CHD5: variants seen among roughly 807,000 people sequenced by gnomAD.
CHD5 encodes chromodomain helicase DNA binding protein 5, also known as ATP-dependent chromatin remodeler CHD5.
A neutral mutation model predicts 230.3 loss-of-function variants in CHD5; 69 were observed. That is an observed-to-expected ratio of 0.30 (90% CI 0.25 to 0.37). The LOEUF (loss-of-function observed/expected upper bound fraction) is 0.37. CHD5 is among the 10% of genes least tolerant of loss of function. The pLI, the probability that CHD5 is intolerant of heterozygous loss-of-function variation, is 1.00. For synonymous variants in CHD5, 1,064 were observed against 1,065.9 expected (o/e 1.00, Z 0.03); for missense variants, 1,827 against 2,622.8 (o/e 0.70, Z 6.63).
Position 6,109,975 on chromosome 1 carries a change from A to C in CHD5, c.5398T>G (p.Leu1800Val). 1 of 1,544,348 alleles carries C rather than the reference A, an allele frequency of 6.5e-7. No homozygotes were observed. The highest frequency in any genetic ancestry group is 1.3e-5 in the South Asian group (1 of 79,470). ...ARRFKLLEQA[L>V]VIEEQLRRAA... is the part of the protein sequence containing the mutation. Reference sequence around the variant, plus strand: ...CTCCGGAGCTGCTCCTCAATGACCAACGCCTGCTCCAGCAGCTGGGGGCGG... The same window carrying C: ...CTCCGGAGCTGCTCCTCAATGACCACCGCCTGCTCCAGCAGCTGGGGGCGG... Residue 1800 changes from leucine (L) to valine (V), a missense_variant, in exon 38 of 42, where the codon TTG (leucine) becomes GTG (valine). Leu to Val is a conservative substitution (Grantham distance 32). Transcript: ENST00000262450.
At chr1:6,166,633 A>T (rs1186204755) in intron 2 of CHD5, among the ~76,000 whole-genome samples, 1 of 152,112 alleles carries the variant, frequency 6.6e-6, no homozygotes, top group Non-Finnish European at 1.5e-5. Context: ...GCTGACACCC[A>T]GACCAGAAAA....
At chr1:6,143,126 C>T (rs1027558765) in intron 13 of CHD5, among the ~76,000 whole-genome samples, 1 of 151,916 alleles carries the variant, frequency 6.6e-6, no homozygotes, top group Non-Finnish European at 1.5e-5. Context: ...AATCATGGCT[C>T]ACTGCAGCCT....
At chr1:6,107,583 G>A (rs1666207702) in intron 38 of CHD5, among the ~76,000 whole-genome samples, 1 of 149,636 alleles carries the variant, frequency 6.7e-6, no homozygotes, top group South Asian at 2.1e-4. Context: ...AGGGATGTAG[G>A]GATGATGAAG....
intron 25 of CHD5, among the ~76,000 whole-genome samples, chr1:6,127,514 C>G (rs6703624): frequency 0.13 from 19,514 of 151,380 alleles, 1,399 homozygotes; most frequent in East Asian, 0.35. Context: ...AAATTGTGGG[C>G]CGTCCTGGAA....
rs563911345 is a variant in CHD5 at position 6,180,149 on chromosome 1, C to T, written c.-126G>A. ...GGCGGCCTCGGCGAGAAGATGGCGG[C>T]CGCCTGCCCCCCCACCCCCCCAAAC... On this transcript the variant is annotated 5_prime_UTR_variant, in exon 1 of 42. Coordinates refer to ENST00000262450, the MANE Select transcript of CHD5 (RefSeq NM_015557.3). 19 of 221,650 alleles carry T rather than the reference C, an allele frequency of 8.6e-5. No individual in the cohort carries two copies. In the South Asian group the frequency reaches 2.6e-3, roughly 31 times the overall value. 13.7% of individuals were successfully genotyped at this position (221,650 alleles called of 1,614,324 possible).
Position 6,111,772 on chromosome 1 carries a change from T to A in CHD5, c.5249+3A>T. 6.2e-7 allele frequency: 1 copy of A among 1,612,806 alleles called. No individual in the cohort carries two copies. The highest frequency in any genetic ancestry group is 8.5e-7 in the Non-Finnish European group (1 of 1,179,534). On this transcript the variant is annotated splice_donor_region_variant and intron_variant, in intron 36 of 41. Transcript: ENST00000262450. ...CTGCCCAGCCCGGCCTGGCCAAGGA[T>A]ACGTCACGATGCCCGCCAGCAGCCA...
intron 9 of CHD5, among the ~76,000 whole-genome samples, chr1:6,147,945 C>A (rs994640906): frequency 1.3e-5 from 2 of 151,978 alleles, no homozygotes; most frequent in Admixed American, 6.5e-5. Flanking sequence ...GACCCTCCTA[C>A]CCCCATCCCA....
rs1403959319 is a variant in CHD5 at position 6,131,156 on chromosome 1, AC to A, written c.3262+474del. 6.6e-6 allele frequency among the ~76,000 whole-genome samples: 1 copy of A among 152,066 alleles called. No individual in the cohort carries two copies. Among genetic ancestry groups the A allele is most frequent in the Non-Finnish European group, 1.5e-5 (1 of 68,020 alleles). Reference sequence around the variant, plus strand: ...CTACAGGAGGAACTCCACCGGCAAGACCCTCCTGACCTCCACCCTCGCCTCT... The same window carrying A: ...CTACAGGAGGAACTCCACCGGCAAGACCTCCTGACCTCCACCCTCGCCTCT... On this transcript the variant is annotated intron_variant, in intron 21 of 41. Coordinates refer to ENST00000262450, the MANE Select transcript of CHD5 (RefSeq NM_015557.3). This position sits in a 1 kb window ranked among gnomAD's most constrained non-coding sequence, Gnocchi z 5.0.
chr1:6,124,786 G>T, intron 29 of CHD5, 125 bp from the exon 30 acceptor site: 1 of 715,644 alleles, frequency 1.4e-6, no homozygotes, highest in Non-Finnish European at 2.3e-6. Flanking sequence ...TCCTAGTCAG[G>T]CCTGGGCCAG....
intron 33 of CHD5, chr1:6,113,440 C>CA (rs1344811958): frequency 3.1e-6 from 1 of 319,254 alleles, no homozygotes; most frequent in Admixed American, 3.9e-5. Context: ...AAACAGCACA[C>CA]AGAAGATGAG....
intron 36 of CHD5, 136 bp from the exon 37 acceptor site, chr1:6,110,662 C>A: frequency 1.2e-6 from 1 of 852,438 alleles, no homozygotes; most frequent in Non-Finnish European, 1.8e-6. Context: ...GTCCTTAAGC[C>A]CAGCTGCACG....
chr1:6,172,420 G>C (rs1428099221), intron 1 of CHD5, among the ~76,000 whole-genome samples: 1 of 152,182 alleles, frequency 6.6e-6, no homozygotes, highest in African/African-American at 2.4e-5. Context: ...CGACCTCCTG[G>C]GCTCGAGCGA....
rs1557557556 is a variant in CHD5 at position 6,155,944 on chromosome 1, G to A, written c.388-227C>T. Among the ~76,000 whole-genome samples the A allele has an allele frequency of 1.3e-5, 2 of 152,238 alleles. No homozygotes were observed. The highest frequency in any genetic ancestry group is 4.8e-5 in the African/African-American group (2 of 41,470). ...CGTCTCAGATGCCAGCCCACGAAGT[G>A]CAGGCCAAGTGTTCGACGTCAGGGT... On this transcript the variant is annotated intron_variant, in intron 3 of 41. Coordinates refer to ENST00000262450, the MANE Select transcript of CHD5 (RefSeq NM_015557.3). The surrounding 1 kb of genome is among the most constrained non-coding windows in gnomAD (Gnocchi z 4.0).
intron 33 of CHD5, among the ~76,000 whole-genome samples, chr1:6,114,976 T>C (rs1441261886): frequency 2.0e-5 from 3 of 149,322 alleles, no homozygotes. Context: ...ATTGCACCAC[T>C]GCACTCCAGC....
At position 6,125,029 on chromosome 1, in the gene CHD5, G is replaced by T; in HGVS notation, c.4394+71C>A. The T allele has an allele frequency of 7.1e-7, 1 of 1,405,726 alleles. No individual in the cohort carries two copies. Among genetic ancestry groups the T allele is most frequent in the East Asian group, 2.5e-5 (1 of 39,502 alleles). The allele number at this position is 1,405,726 out of a possible 1,614,324, so 87.1% of individuals were successfully genotyped here. On this transcript the variant is annotated intron_variant, in intron 29 of 41. Transcript: ENST00000262450. This position sits in a 1 kb window ranked among gnomAD's most constrained non-coding sequence, Gnocchi z 6.7. Reference sequence around the variant, plus strand: ...GGAAGCAAATGCTGCCCTCTGTGGGGCTCACCCGCAGGACCCTGCCCTACT... The same window carrying T: ...GGAAGCAAATGCTGCCCTCTGTGGGTCTCACCCGCAGGACCCTGCCCTACT...
chr1:6,120,157 A>G (rs1188871249), intron 33 of CHD5, among the ~76,000 whole-genome samples: 2 of 152,048 alleles, frequency 1.3e-5, no homozygotes, highest in African/African-American at 2.4e-5. Flanking sequence ...CACCATGCCC[A>G]GCCCTAATGC....
chr1:6,142,666 C>T lies in CHD5; in HGVS notation c.2044-61G>A. 2 of 1,513,688 alleles carry T rather than the reference C, an allele frequency of 1.3e-6. No individual in the cohort carries two copies. The highest frequency in any genetic ancestry group is 1.8e-6 in the Non-Finnish European group (2 of 1,118,176). 93.8% of individuals were successfully genotyped at this position (1,513,688 alleles called of 1,614,324 possible). A position where few individuals can be genotyped will look rare whatever the true frequency, so the allele number is the denominator to read the frequency against. ...TCCTGGGCCACCAGAGTCCACACTACAGGCCTTTGCACATGCAATTCCTTC... is the reference window on the plus strand; with the variant it reads ...TCCTGGGCCACCAGAGTCCACACTATAGGCCTTTGCACATGCAATTCCTTC... On this transcript the variant is annotated intron_variant, in intron 13 of 41. Coordinates refer to ENST00000262450, the MANE Select transcript of CHD5 (RefSeq NM_015557.3). The surrounding 1 kb of genome is among the most constrained non-coding windows in gnomAD (Gnocchi z 5.2).
intron 9 of CHD5, 96 bp downstream of exon 9, chr1:6,148,758 G>A: frequency 1.1e-6 from 1 of 949,872 alleles, no homozygotes; most frequent in Non-Finnish European, 1.4e-6. Flanking sequence ...GCCGGCAGGG[G>A]CGGGGCCTTT....
At chr1:6,156,535 CAAAAAAAAAA>C (rs1225146962) in intron 3 of CHD5, among the ~76,000 whole-genome samples, 2 of 63,810 alleles carry the variant, frequency 3.1e-5, no homozygotes, top group Non-Finnish European at 6.7e-5. Flanking sequence ...GATTCTGTCT[CAAAAAAAAAA>C]AAAAAAAAAA....
Sources: gnomAD v4.1 joint callset for allele counts (sites outside exome capture counted in the v4.1 genomes callset) on GRCh38, gnomAD v4.1.1 for gene constraint, Gnocchi (gnomAD v3.1) non-coding constraint, MANE v1.5 for transcripts, NCBI Gene and HGNC (gene_info 2026-07-23, HGNC 2026-07-21) for gene names.